OVCH1: variants seen among roughly 807,000 people sequenced by gnomAD.
OVCH1 encodes the protein ovochymase 1.
In OVCH1, 139 loss-of-function variants were observed where a neutral mutation model predicts 138.4. The observed-to-expected ratio is 1.00, with a 90% CI of 0.87 to 1.16. The LOEUF (loss-of-function observed/expected upper bound fraction) is 1.16, where lower values mean the gene tolerates loss of function less well. OVCH1 is among the 50% of genes most tolerant of loss of function. OVCH1 has a pLI of 0.00. For missense variants in OVCH1, 1,367 were observed against 1,357.9 expected, an observed-to-expected ratio of 1.01 and a Z score of -0.11; for synonymous variants, 453 against 467.8, an observed-to-expected ratio of 0.97 and a Z score of 0.41.
At chr12:29,464,702 C>T in exon 18 of OVCH1, 3 of 1,604,268 alleles carry the variant, frequency 1.9e-6, no homozygotes, top group Admixed American at 3.4e-5. Context: ...GCCCTTCTCA[C>T]CTGTATCGGT....
intron 19 of OVCH1, among the ~76,000 whole-genome samples, chr12:29,457,424 G>T (rs1941988479): frequency 2.0e-5 from 2 of 101,524 alleles, no homozygotes; most frequent in Non-Finnish European, 1.8e-5. Flanking sequence ...TTTTTGGTGA[G>T]ACAGAGTCTT....
At chr12:29,438,546 T>G (rs1941407161) in intron 26 of OVCH1, among the ~76,000 whole-genome samples, 1 of 152,190 alleles carries the variant, frequency 6.6e-6, no homozygotes. Flanking sequence ...GAGTTATATC[T>G]TTCAGTTTTG....
rs1942659726 is a variant in OVCH1, at chr12:29,475,132, A to AC, written c.1528dup (p.Val510GlyfsTer5). On this transcript the variant is annotated frameshift_variant, in exon 14 of 28. Coordinates refer to ENST00000318184, the Ensembl canonical transcript of OVCH1. LOFTEE classifies it high-confidence loss of function. ...TTTACCATCACTTTTAAAGTATATC[A>AC]CCGTCATGTTACTAGAACTGAATAT... is the stretch of plus-strand genomic sequence containing the variant. The AC allele has an allele frequency of 6.4e-7, 1 of 1,564,938 alleles. No homozygotes were observed. The highest frequency in any genetic ancestry group is 8.7e-7 in the Non-Finnish European group (1 of 1,154,636).
intron 3 of OVCH1, among the ~76,000 whole-genome samples, chr12:29,422,084 T>G (rs1331765896): frequency 6.6e-6 from 1 of 152,194 alleles, no homozygotes; most frequent in African/African-American, 2.4e-5. Context: ...TTTCACTGCA[T>G]TAAGGTTTAA....
At chr12:29,484,764 C>G (rs1194157996) in intron 8 of OVCH1, among the ~76,000 whole-genome samples, 4 of 152,142 alleles carry the variant, frequency 2.6e-5, no homozygotes, top group Non-Finnish European at 1.5e-5. Context: ...AATCTTCCCA[C>G]TTTCTCCAAA....
intron 27 of OVCH1, among the ~76,000 whole-genome samples, chr12:29,430,237 T>C (rs1941245844): frequency 6.6e-6 from 1 of 151,978 alleles, no homozygotes; most frequent in African/African-American, 2.4e-5. Flanking sequence ...GCATAAAACA[T>C]AACTTCAATA....
At chr12:29,470,924 G>A (rs1412475773) in intron 16 of OVCH1, among the ~76,000 whole-genome samples, 3 of 152,132 alleles carry the variant, frequency 2.0e-5, no homozygotes, top group Non-Finnish European at 2.9e-5. Flanking sequence ...ATGGGTGTGA[G>A]ATGGTATCTC....
intron 18 of OVCH1, among the ~76,000 whole-genome samples, chr12:29,464,020 C>T (rs1373004525): frequency 3.3e-5 from 5 of 152,208 alleles, no homozygotes; most frequent in African/African-American, 1.2e-4. Context: ...GTGCCACCCC[C>T]AAACACGGGC....
intron 3 of OVCH1, among the ~76,000 whole-genome samples, chr12:29,415,386 T>C (rs1941019555): frequency 6.6e-6 from 1 of 152,168 alleles, no homozygotes; most frequent in African/African-American, 2.4e-5. Context: ...GCACTAAATA[T>C]CACCACTGGT....
In OVCH1 at chr12:29,439,400, T is replaced by C. The variant is rs376904114; in HGVS notation, c.3192A>G (p.Thr1064=). 5.1e-6 allele frequency: 8 copies of C among 1,554,130 alleles called. No individual in the cohort carries two copies. In the African/African-American group the frequency reaches 1.1e-4, roughly 21 times the overall value. The change falls in exon 26 of 28, where the codon ACA becomes ACG. Residue 1064 remains threonine, a synonymous_variant. Transcript: ENST00000318184. ...GTTTTTCTCTTTTTAATATGTCTTT[T>C]GTCAGTATCATTGCCAGAGTTCCAG...
the OVCH1 span, among the ~76,000 whole-genome samples, chr12:29,405,846 G>A: frequency 7.2e-5 from 11 of 152,230 alleles, no homozygotes; most frequent in South Asian, 4.1e-4. Flanking sequence ...TGACTTTGCC[G>A]AATAAACATA....
intron 3 of OVCH1, among the ~76,000 whole-genome samples, chr12:29,418,037 G>T (rs1008191334): frequency 1.3e-5 from 2 of 152,206 alleles, no homozygotes; most frequent in African/African-American, 4.8e-5. Context: ...CCATGGAAAG[G>T]CATGGGCTTG....
At chr12:29,446,238 G>A (rs1391826330) in intron 22 of OVCH1, among the ~76,000 whole-genome samples, 5 of 152,044 alleles carry the variant, frequency 3.3e-5, no homozygotes, top group African/African-American at 4.8e-5. Flanking sequence ...TCCATAGTAG[G>A]TTCTTCACAA....
intron 13 of OVCH1, 112 bp downstream of exon 13, chr12:29,476,094 G>T (rs1942700648): frequency 2.3e-6 from 2 of 854,480 alleles, no homozygotes; most frequent in Non-Finnish European, 3.9e-6. Context: ...AGTTTCCAAA[G>T]CAAGAAATTC....
intron 22 of OVCH1, among the ~76,000 whole-genome samples, chr12:29,450,284 T>C (rs1941746855): frequency 6.6e-6 from 1 of 151,936 alleles, no homozygotes; most frequent in Non-Finnish European, 1.5e-5. Flanking sequence ...AGGGCTAATA[T>C]CCAGAATCTA....
At chr12:29,461,322 T>G (rs559998426) in intron 19 of OVCH1, among the ~76,000 whole-genome samples, 1 of 152,342 alleles carries the variant, frequency 6.6e-6, no homozygotes, top group South Asian at 2.1e-4. Context: ...AAAGCTGGCA[T>G]TCTACAATCT....
chr12:29,494,323 A>G (rs1339684780), intron 4 of OVCH1, among the ~76,000 whole-genome samples: 1 of 152,010 alleles, frequency 6.6e-6, no homozygotes, highest in Non-Finnish European at 1.5e-5. Context: ...GTTTTTGGCC[A>G]CTTAACACTT....
Position 29,464,505 on chromosome 12 carries a change from A to G in OVCH1, c.2125+2T>C. ...ATGTTTATGCAACAAAAATATGCTT[A>G]CCTGCACTGATGCTTCCCCATCCGG... On this transcript the variant is annotated splice_donor_variant, in intron 18 of 27. Coordinates refer to ENST00000318184, the Ensembl canonical transcript of OVCH1. LOFTEE classifies it high-confidence loss of function. 6.2e-7 allele frequency: 1 copy of G among 1,612,980 alleles called. No homozygotes were observed. Among genetic ancestry groups the G allele is most frequent in the Non-Finnish European group, 8.5e-7 (1 of 1,179,382 alleles).
chr12:29,478,001 C>A (rs998981349), intron 9 of OVCH1, among the ~76,000 whole-genome samples: 1 of 152,096 alleles, frequency 6.6e-6, no homozygotes, highest in Admixed American at 6.5e-5. Flanking sequence ...AATATTATAA[C>A]CCCTAGTACA....
Sources: allele counts gnomAD v4.1 joint callset (sites outside exome capture counted in the v4.1 genomes callset), GRCh38; gene constraint gnomAD v4.1.1; transcripts MANE v1.5; gene names NCBI Gene and HGNC (gene_info 2026-07-23, HGNC 2026-07-21).